TTC3: variants seen among roughly 807,000 people sequenced by gnomAD.
TTC3 encodes E3 ubiquitin-protein ligase TTC3.
Under a neutral mutation model 249.6 loss-of-function variants are expected in TTC3, and 180 were observed. The ratio of observed to expected loss-of-function variants is 0.72; its 90% CI spans 0.64 to 0.82. The LOEUF is 0.82. Ranked by LOEUF, TTC3 falls within the 40% of genes least tolerant of loss-of-function variation. TTC3 has a pLI of 0.00. For missense variants in TTC3, 2,061 were observed against 2,398.4 expected (o/e 0.86, Z 2.94); for synonymous variants, 717 against 805.0 (o/e 0.89, Z 1.85).
chr21:37,199,221 C>A (rs1355450615), intron 44 of TTC3, among the ~76,000 whole-genome samples: 1 of 152,244 alleles, frequency 6.6e-6, no homozygotes, highest in Non-Finnish European at 1.5e-5. Context: ...CTTGATCCCA[C>A]TGCCAGGGCT....
In TTC3 at chr21:37,172,876, C is replaced by T; in HGVS notation, c.4617+132C>T. ...ACAAAAGATTCTTTCTCAGAATCGCCTGCTTCAGATTTCTTCATGACATAT... is the reference window on the plus strand; with the variant it reads ...ACAAAAGATTCTTTCTCAGAATCGCTTGCTTCAGATTTCTTCATGACATAT... On this transcript the variant is annotated intron_variant, in intron 35 of 45. Coordinates refer to ENST00000355666, the Ensembl canonical transcript of TTC3. 2.7e-6 allele frequency: 3 copies of T among 1,129,120 alleles called. No homozygotes were observed. In the South Asian group the frequency reaches 5.3e-5, roughly 20 times the overall value. 69.9% of individuals were successfully genotyped at this position (1,129,120 alleles called of 1,614,324 possible). A position where few individuals can be genotyped will look rare whatever the true frequency, so the allele number is the denominator to read the frequency against.
intron 13 of TTC3, among the ~76,000 whole-genome samples, chr21:37,124,345 G>C (rs1343364135): frequency 6.6e-6 from 1 of 151,796 alleles, no homozygotes; most frequent in African/African-American, 2.4e-5. Context: ...TTGAACTCCT[G>C]ACCTTAGCTG....
At chr21:37,098,161 G>C (rs1366376107) in intron 10 of TTC3, 1 of 406,318 alleles carries the variant, frequency 2.5e-6, no homozygotes, top group Non-Finnish European at 4.4e-6. Flanking sequence ...ATGTCTTTAG[G>C]TTATTGCTAC....
chr21:37,104,212 C>A (rs1017303640), intron 10 of TTC3, among the ~76,000 whole-genome samples: 4 of 152,120 alleles, frequency 2.6e-5, no homozygotes, highest in Non-Finnish European at 4.4e-5. Context: ...GGATTATGGG[C>A]CTACTCACTC....
intron 27 of TTC3, among the ~76,000 whole-genome samples, chr21:37,155,076 A>C (rs188405702): frequency 6.6e-5 from 10 of 152,312 alleles, no homozygotes; most frequent in Non-Finnish European, 1.2e-4. Flanking sequence ...AGCAATTTTT[A>C]TTTAAAGTTG....
At chr21:37,196,330 G>A (rs968073743) in intron 42 of TTC3, among the ~76,000 whole-genome samples, 6 of 148,428 alleles carry the variant, frequency 4.0e-5, no homozygotes, top group Non-Finnish European at 8.9e-5. Flanking sequence ...TCTCCCTCCC[G>A]AGTTCAAGCG....
At chr21:37,111,718 C>T (rs2075679970) in intron 11 of TTC3, among the ~76,000 whole-genome samples, 1 of 152,192 alleles carries the variant, frequency 6.6e-6, no homozygotes, top group African/African-American at 2.4e-5. Context: ...ATCTGCAGAA[C>T]TCTCCACCCC....
intron 34 of TTC3, among the ~76,000 whole-genome samples, chr21:37,168,674 C>T (rs1021277745): frequency 5.9e-5 from 9 of 152,130 alleles, no homozygotes; most frequent in Non-Finnish European, 1.3e-4. Flanking sequence ...CCAGTATATA[C>T]ATGAACAGGG....
rs1479527034 is a variant in TTC3 at position 37,094,021 on chromosome 21, TA to T, written c.622del (p.Ile208LeufsTer2). The T allele has an allele frequency of 3.7e-6, 6 of 1,607,330 alleles. No homozygotes were observed. In the East Asian group the frequency reaches 1.1e-4, roughly 30 times the overall value. On this transcript the variant is annotated frameshift_variant, in exon 8 of 46. Coordinates refer to ENST00000355666, the Ensembl canonical transcript of TTC3. LOFTEE classifies it high-confidence loss of function. ...AAAATTTAGACAAGTACCACATAAC[TA>T]AAATTGTAATGGAAGACTGCAATTT...
chr21:37,094,675 A>G (rs928055364), intron 8 of TTC3, among the ~76,000 whole-genome samples: 2 of 150,016 alleles, frequency 1.3e-5, no homozygotes, highest in African/African-American at 4.9e-5. Context: ...TTAAAATTCT[A>G]CTTTGCATCT....
Position 37,195,816 on chromosome 21 carries a change from C to T in TTC3, c.5359C>T (p.Pro1787Ser), listed in dbSNP as rs1228981467. The T allele has an allele frequency of 1.2e-6, 2 of 1,614,214 alleles. No homozygotes were observed. Among genetic ancestry groups the T allele is most frequent in the Admixed American group, 1.7e-5 (1 of 60,028 alleles). The change falls in exon 42 of 46, where the codon CCT (proline) becomes TCT (serine). Residue 1787 changes from proline (P) to serine (S), a missense_variant. This residue lies in a region of TTC3 where 1,040 missense variants were observed against 1,186.1 expected (regional missense o/e 0.88). Coordinates refer to ENST00000355666, the Ensembl canonical transcript of TTC3. Reference sequence around the variant, plus strand: ...TGCTGGTGATTCCCCAGGGGAGGCTCCTTCTGCGCTGTTGCCAGGGCCACC... The same window carrying T: ...TGCTGGTGATTCCCCAGGGGAGGCTTCTTCTGCGCTGTTGCCAGGGCCACC...
chr21:37,139,601 A>G (rs2078250227), intron 19 of TTC3, among the ~76,000 whole-genome samples: 1 of 152,060 alleles, frequency 6.6e-6, no homozygotes, highest in African/African-American at 2.4e-5. Context: ...CCCAAGATTC[A>G]TTTTCCTTGA....
At chr21:37,142,304 T>A (rs2078553621) in intron 20 of TTC3, among the ~76,000 whole-genome samples, 1 of 152,108 alleles carries the variant, frequency 6.6e-6, no homozygotes, top group South Asian at 2.1e-4. Flanking sequence ...AAAGAGGAAG[T>A]CAAATTGTCC....
rs773757937 is a variant in TTC3 at position 37,197,902 on chromosome 21, G to C, written c.5727G>C (p.Lys1909Asn). The C allele has an allele frequency of 4.3e-6, 7 of 1,613,546 alleles. No homozygotes were observed. In the African/African-American group the frequency reaches 8.0e-5, roughly 18 times the overall value. The change falls in exon 44 of 46, where the codon AAG (lysine) becomes AAC (asparagine). Residue 1909 changes from lysine to asparagine, a missense_variant. Lys to Asn is a moderately conservative substitution (Grantham distance 94). Around this residue, in one of 3 missense-constraint regions of TTC3, gnomAD observed 1,040 missense variants for 1,186.1 expected, o/e 0.88. Coordinates refer to ENST00000355666, the Ensembl canonical transcript of TTC3. ...CGCAGCCAAACCCAGGAAAGGACAA[G>C]AGGACTTATGAGCCCAGCTCTGCCA...
intron 35 of TTC3, among the ~76,000 whole-genome samples, chr21:37,175,690 A>C (rs2082209396): frequency 6.6e-6 from 1 of 151,522 alleles, no homozygotes; most frequent in South Asian, 2.1e-4. Context: ...GGGTTCTATT[A>C]TTATTCATGA....
chr21:37,186,864 A>T (rs1360593336), intron 37 of TTC3, among the ~76,000 whole-genome samples, 185 bp from the exon 38 acceptor site: 1 of 152,226 alleles, frequency 6.6e-6, no homozygotes, highest in Admixed American at 6.5e-5. Context: ...TTGATCACTT[A>T]TAAAGCACAA....
chr21:37,131,529 T>C (rs1402579530), intron 16 of TTC3, among the ~76,000 whole-genome samples: 1 of 152,126 alleles, frequency 6.6e-6, no homozygotes, highest in Non-Finnish European at 1.5e-5. Context: ...TTGAGTTGTA[T>C]CCTTTATAAT....
chr21:37,172,782 CAT>C, intron 35 of TTC3, 38 bp downstream of exon 35: 1 of 1,608,272 alleles, frequency 6.2e-7, no homozygotes, highest in Non-Finnish European at 8.5e-7. Flanking sequence ...TTGCATGTAG[CAT>C]AGTTAGGAGA....
intron 35 of TTC3, among the ~76,000 whole-genome samples, chr21:37,178,453 T>C (rs2082456382): frequency 2.0e-5 from 3 of 152,196 alleles, no homozygotes; most frequent in Admixed American, 2.0e-4. Context: ...CCATTCTCAC[T>C]TACACTTATC....
Sources: gnomAD v4.1 joint callset for allele counts (sites outside exome capture counted in the v4.1 genomes callset) on GRCh38, gnomAD v4.1.1 for gene constraint, gnomAD v4.1.1 regional missense constraint, MANE v1.5 for transcripts, NCBI Gene and HGNC (gene_info 2026-07-23, HGNC 2026-07-21) for gene names.